Variants in MGRN1 observed in about 807,000 individuals in gnomAD.
MGRN1 encodes the protein mahogunin ring finger 1.
MGRN1 carries 29 observed loss-of-function variants against 69.2 expected under a neutral mutation model. The observed-to-expected ratio is 0.42, with a 90% CI of 0.31 to 0.57. The LOEUF (loss-of-function observed/expected upper bound fraction) is 0.57, where lower values mean the gene tolerates loss of function less well. Ranked by LOEUF, MGRN1 falls within the 20% of genes least tolerant of loss-of-function variation. The pLI is 0.15. For synonymous variants in MGRN1, 470 were observed against 344.2 expected (o/e 1.37, Z -4.04); for missense variants, 998 against 796.2 (o/e 1.25, Z -3.05).
intron 10 of MGRN1, among the ~76,000 whole-genome samples, chr16:4,674,731 C>A (rs1382156447): frequency 3.7e-5 from 5 of 135,090 alleles, no homozygotes; most frequent in African/African-American, 1.4e-4. Flanking sequence ...AGCTCCGCTT[C>A]CCGGGTTCAC....
Position 4,650,409 on chromosome 16 carries a change from G to A in MGRN1, c.133G>A (p.Asp45Asn). 1 of 1,613,616 alleles carries A rather than the reference G, an allele frequency of 6.2e-7. No homozygotes were observed. The change falls in exon 2 of 17, where the codon GAC becomes AAC. Residue 45 changes from aspartate to asparagine, a missense_variant. Asp to Asn is a conservative substitution (Grantham distance 23). Coordinates refer to ENST00000262370, the MANE Select transcript of MGRN1 (RefSeq NM_015246.4). ...SHFFMGGEKF[D>N]TPHPEGYLFG... Reference sequence around the variant, plus strand: ...CTTTTTCATGGGAGGAGAGAAATTCGACACCCCCCACCCTGAAGGTTACCT... The same window carrying A: ...CTTTTTCATGGGAGGAGAGAAATTCAACACCCCCCACCCTGAAGGTTACCT...
intron 11 of MGRN1, among the ~76,000 whole-genome samples, chr16:4,678,881 C>G (rs1316106698): frequency 6.6e-6 from 1 of 152,266 alleles, no homozygotes; most frequent in Non-Finnish European, 1.5e-5. Context: ...TGATCAGGGC[C>G]TTGACCTGGG....
Position 4,677,631 on chromosome 16 carries a change from G to T in MGRN1, c.1065+59G>T, listed in dbSNP as rs1318404092. On this transcript the variant is annotated intron_variant, in intron 11 of 16. Transcript: ENST00000262370. Reference sequence around the variant, plus strand: ...GAGAGGGGCATGAGTGCCTGGGCCAGGCGCAAGGCCCAGACGGTCCAGCCA... The same window carrying T: ...GAGAGGGGCATGAGTGCCTGGGCCATGCGCAAGGCCCAGACGGTCCAGCCA... The T allele has an allele frequency of 4.0e-6, 6 of 1,513,546 alleles. No individual in the cohort carries two copies. In the African/African-American group the frequency reaches 8.2e-5, roughly 21 times the overall value. The allele number at this position is 1,513,546 out of a possible 1,614,324, so 93.8% of individuals were successfully genotyped here.
At chr16:4,670,396 C>T (rs912986089) in intron 8 of MGRN1, among the ~76,000 whole-genome samples, 2 of 152,228 alleles carry the variant, frequency 1.3e-5, no homozygotes, top group Non-Finnish European at 2.9e-5. Context: ...GCACGCGCCA[C>T]CATGCCTGGC....
At chr16:4,687,360 AAAACAT>A in intron 16 of MGRN1, 1 of 944,976 alleles carries the variant, frequency 1.1e-6, no homozygotes. Flanking sequence ...ATCAGTGTAG[AAAACAT>A]AGACCCCCTC....
intron 16 of MGRN1, among the ~76,000 whole-genome samples, chr16:4,685,736 C>T (rs1046846492): frequency 1.3e-5 from 2 of 152,236 alleles, no homozygotes; most frequent in Admixed American, 1.3e-4. Context: ...ATCACAGAGC[C>T]CTTGACTGTC....
At chr16:4,647,608 G>A (rs1345389907) in intron 1 of MGRN1, among the ~76,000 whole-genome samples, 8 of 152,324 alleles carry the variant, frequency 5.3e-5, no homozygotes, top group Middle Eastern at 3.4e-3. Flanking sequence ...ATCTCAGTGC[G>A]TGCGGTGACC....
rs763383747 is a variant in MGRN1 at position 4,683,999 on chromosome 16, G to T, written c.1618+67G>T. 128 of 1,385,242 alleles carry T rather than the reference G, an allele frequency of 9.2e-5. 1 individual carries two copies. Among genetic ancestry groups the T allele is most frequent in the Non-Finnish European group, 1.3e-4 (126 of 1,005,354 alleles). 85.8% of individuals were successfully genotyped at this position (1,385,242 alleles called of 1,614,324 possible). Reference sequence around the variant, plus strand: ...TCTTAGTCCCCAGGGAGGGGGCCCTGCTCTGATGGTCGGTGCATAGCAGCA... The same window carrying T: ...TCTTAGTCCCCAGGGAGGGGGCCCTTCTCTGATGGTCGGTGCATAGCAGCA... On this transcript the variant is annotated intron_variant, in intron 16 of 16. Transcript: ENST00000262370.
At chr16:4,672,978 A>G (rs552526995) in intron 9 of MGRN1, among the ~76,000 whole-genome samples, 26 of 152,230 alleles carry the variant, frequency 1.7e-4, no homozygotes, top group Non-Finnish European at 2.8e-4. Context: ...AGCTGGAACT[A>G]CAAGCACGTG....
chr16:4,683,219 C>G lies in MGRN1; in HGVS notation c.1483-5C>G. On this transcript the variant is annotated splice_polypyrimidine_tract_variant and splice_region_variant and intron_variant, in intron 14 of 16. Transcript: ENST00000262370. ...CTCTAGGCTACTTTCCCCTTTGTTT[C>G]CTAGAGTTTCATAACAGAAGAGGTT... 6.2e-7 allele frequency: 1 copy of G among 1,613,634 alleles called. No individual in the cohort carries two copies. The highest frequency in any genetic ancestry group is 2.2e-5 in the East Asian group (1 of 44,880).
rs1442959573 is a variant in MGRN1 at position 4,665,649 on chromosome 16, G to T, written c.678+498G>T. Among the ~76,000 whole-genome samples, 4 of 150,052 alleles carry T rather than the reference G, an allele frequency of 2.7e-5. No individual in the cohort carries two copies. The South Asian group carries it at 8.4e-4, about 32-fold the overall frequency. On this transcript the variant is annotated intron_variant, in intron 7 of 16. Transcript: ENST00000262370. ...CTCCCAGAGTGTTGGGAGTACAGGC[G>T]TGAGCCACGTGCCCGGCCTTTTTTT...
rs1458432741 is a variant in MGRN1, at chr16:4,677,445, G to T, written c.956-18G>T. Reference sequence around the variant, plus strand: ...GGTGTGTCGCCTGGGCCTGATCTGAGCCCTCCTTCTGCCGCAGCTTTCCGG... The same window carrying T: ...GGTGTGTCGCCTGGGCCTGATCTGATCCCTCCTTCTGCCGCAGCTTTCCGG... On this transcript the variant is annotated intron_variant, in intron 10 of 16. Coordinates refer to ENST00000262370, the MANE Select transcript of MGRN1 (RefSeq NM_015246.4). 6.5e-7 allele frequency: 1 copy of T among 1,535,550 alleles called. No homozygotes were observed. Among genetic ancestry groups the T allele is most frequent in the Admixed American group, 1.8e-5 (1 of 54,496 alleles).
intron 1 of MGRN1, among the ~76,000 whole-genome samples, chr16:4,641,126 C>G (rs955419318): frequency 6.6e-6 from 1 of 152,222 alleles, no homozygotes; most frequent in Non-Finnish European, 1.5e-5. Context: ...GCAGCGCTGC[C>G]TGCTCCTCTT....
chr16:4,650,395 G>C lies in MGRN1; in HGVS notation c.119G>C (p.Gly40Ala), dbSNP rs757429171. 1.9e-6 allele frequency: 3 copies of C among 1,613,256 alleles called. No individual in the cohort carries two copies. Among genetic ancestry groups the C allele is most frequent in the African/African-American group, 1.3e-5 (1 of 74,822 alleles). Residue 40 changes from glycine (G) to alanine (A), a missense_variant, in exon 2 of 17, where the codon GGA becomes GCA. By Grantham distance (60) the Gly-to-Ala change is moderately conservative. Coordinates refer to ENST00000262370, the MANE Select transcript of MGRN1 (RefSeq NM_015246.4). ...TACTTTGCTTCGCACTTTTTCATGG[G>C]AGGAGAGAAATTCGACACCCCCCAC... is the stretch of plus-strand genomic sequence containing the variant. Reference protein sequence around the residue: ...GNYFASHFFMGGEKFDTPHPE... With the variant: ...GNYFASHFFMAGEKFDTPHPE...
rs952732770 is a variant in MGRN1, at chr16:4,625,850, G to A, written c.88+802G>A. On this transcript the variant is annotated intron_variant, in intron 1 of 16. Transcript: ENST00000262370. Reference sequence around the variant, plus strand: ...CTCGTGGGGTTCTTTGTGGTGGAAAGGAGAGAAGGAAGAGGAGAGAGAACT... The same window carrying A: ...CTCGTGGGGTTCTTTGTGGTGGAAAAGAGAGAAGGAAGAGGAGAGAGAACT... Among the ~76,000 whole-genome samples, 12 of 152,220 alleles carry A rather than the reference G, an allele frequency of 7.9e-5. 1 individual carries two copies. The highest frequency in any genetic ancestry group is 2.9e-4 in the African/African-American group (12 of 41,454).
intron 7 of MGRN1, among the ~76,000 whole-genome samples, chr16:4,667,264 C>G (rs1203695142): frequency 1.3e-5 from 2 of 152,214 alleles, no homozygotes; most frequent in Non-Finnish European, 2.9e-5. Context: ...CTTTCTAGAG[C>G]ACCCCAGGGT....
At position 4,682,911 on chromosome 16, in the gene MGRN1, G is replaced by A. The variant is rs372370813; in HGVS notation, c.1447G>A (p.Ala483Thr). 37 of 1,605,492 alleles carry A rather than the reference G, an allele frequency of 2.3e-5. No individual in the cohort carries two copies. In the Admixed American group the frequency reaches 3.5e-4, roughly 15 times the overall value. ...GGACGCCCCTCCCCCACTGGGTGGC[G>A]CAGAGCTGGCCCTGCGGGAAAGCAG... ...DVDAPPPLGG[A>T]ELALRESSSP... is the part of the protein sequence containing the mutation. Residue 483 changes from alanine (A) to threonine (T), a missense_variant, in exon 14 of 17, where the codon GCA (alanine) becomes ACA (threonine). Coordinates refer to ENST00000262370, the MANE Select transcript of MGRN1 (RefSeq NM_015246.4).
chr16:4,673,450 A>T (rs2289314), intron 9 of MGRN1, 48 bp from the exon 10 acceptor site: 1 of 1,594,428 alleles, frequency 6.3e-7, no homozygotes, highest in Non-Finnish European at 8.5e-7. Flanking sequence ...CAGGAGCCGT[A>T]CTCTGGCCTT....
chr16:4,661,257 G>A (rs975568426), intron 5 of MGRN1, among the ~76,000 whole-genome samples: 14 of 152,160 alleles, frequency 9.2e-5, no homozygotes, highest in African/African-American at 3.4e-4. Flanking sequence ...GGGATTATAG[G>A]CGTGAGCCAC....
Sources: allele counts gnomAD v4.1 joint callset (sites outside exome capture counted in the v4.1 genomes callset), GRCh38; gene constraint gnomAD v4.1.1; transcripts MANE v1.5; gene names NCBI Gene and HGNC (gene_info 2026-07-23, HGNC 2026-07-21).